The following ZC3H13 variants were observed in gnomAD, a reference collection of about 807,000 sequenced individuals.
The protein encoded by ZC3H13 is zinc finger CCCH domain-containing protein 13.
In ZC3H13, 64 loss-of-function variants were observed where a neutral mutation model predicts 204.1. The observed-to-expected ratio is 0.31, with a 90% CI of 0.26 to 0.39. The LOEUF (loss-of-function observed/expected upper bound fraction) is 0.39, where lower values mean the gene tolerates loss of function less well. Among genes scored for constraint, ZC3H13 ranks in the 10% least tolerant of loss-of-function variants. The pLI is 1.00. For missense variants in ZC3H13, 1,833 were observed against 2,082.7 expected, an observed-to-expected ratio of 0.88 and a Z score of 2.33; for synonymous variants, 667 against 693.7, an observed-to-expected ratio of 0.96 and a Z score of 0.60.
chr13:46,045,644 T>TA (rs147727629), intron 1 of ZC3H13, 128 bp from the exon 2 acceptor site: 6,219 of 544,904 alleles, frequency 0.011, no homozygotes, highest in South Asian at 0.014. Context: ...CTTGGGAGAT[T>TA]AAAAAAAAAA....
intron 4 of ZC3H13, among the ~76,000 whole-genome samples, chr13:46,032,949 T>C (rs889814137): frequency 5.3e-5 from 8 of 151,902 alleles, no homozygotes; most frequent in African/African-American, 1.5e-4. Context: ...AAGGTGATTA[T>C]ATATACACTA....
intron 4 of ZC3H13, among the ~76,000 whole-genome samples, chr13:46,028,027 A>AT (rs2042647115): frequency 1.3e-5 from 2 of 151,986 alleles, no homozygotes; most frequent in African/African-American, 4.8e-5. Context: ...CAATTAAAAC[A>AT]CAGATATTCT....
At chr13:46,050,627 T>C (rs2044337201) in intron 1 of ZC3H13, among the ~76,000 whole-genome samples, 1 of 152,116 alleles carries the variant, frequency 6.6e-6, no homozygotes, top group Non-Finnish European at 1.5e-5. Context: ...GAAAGAAAAA[T>C]TAACTTTATT....
In ZC3H13 at chr13:45,969,850, C is replaced by T. The variant is rs1419725341; in HGVS notation, c.2694G>A (p.Arg898=). The T allele has an allele frequency of 5.6e-6, 9 of 1,613,940 alleles. No homozygotes were observed. Among genetic ancestry groups the T allele is most frequent in the South Asian group, 1.1e-5 (1 of 91,080 alleles). ...RWKEEDRKPE[R]KESSRRYEEQ... is the part of the protein sequence containing the mutation. ...CTTCGTAGCGCCTTGAACTCTCTTT[C>T]CTTTCTGGTTTACGATCCTCCTCTT... Residue 898 remains arginine (R), a synonymous_variant, in exon 14 of 19, where the codon AGG becomes AGA. Coordinates refer to ENST00000679008, the MANE Select transcript of ZC3H13 (RefSeq NM_001330564.2).
intron 9 of ZC3H13, 52 bp from the exon 10 acceptor site, chr13:45,985,813 A>C (rs746080926): frequency 1.3e-5 from 19 of 1,455,108 alleles, no homozygotes; most frequent in Admixed American, 9.0e-5. Flanking sequence ...AAGTTTCAGG[A>C]AACTAGAAAA....
chr13:46,020,647 C>T (rs1002869984), intron 4 of ZC3H13, 90 bp from the exon 5 acceptor site: 15 of 821,876 alleles, frequency 1.8e-5, no homozygotes, highest in Admixed American at 1.3e-4. Context: ...TAATTTCATT[C>T]ATCTCTGTTT....
At chr13:46,049,863 G>T (rs1409175038) in intron 1 of ZC3H13, among the ~76,000 whole-genome samples, 2 of 152,042 alleles carry the variant, frequency 1.3e-5, no homozygotes, top group Non-Finnish European at 2.9e-5. Context: ...CTATCATAGA[G>T]AATAGAAATC....
intron 5 of ZC3H13, among the ~76,000 whole-genome samples, chr13:46,011,787 G>A (rs1384009259): frequency 3.3e-5 from 5 of 152,092 alleles, no homozygotes; most frequent in Non-Finnish European, 7.4e-5. Flanking sequence ...TGGGTTTTCT[G>A]GAAACAATTT....
rs1952914907 is a variant in ZC3H13, at chr13:45,975,170, T to C, written c.2468+113A>G. 4.8e-6 allele frequency: 7 copies of C among 1,459,086 alleles called. No individual in the cohort carries two copies. In the East Asian group the frequency reaches 1.4e-4, roughly 30 times the overall value. 90.4% of individuals were successfully genotyped at this position (1,459,086 alleles called of 1,614,324 possible). On this transcript the variant is annotated intron_variant, in intron 12 of 18. Transcript: ENST00000679008. ...ACTAAATTTGAAAAACAGGAAAATA[T>C]ACAGAGAAAAAAAATTAACAGGAAA...
At chr13:45,982,364 T>C (rs570071499) in intron 10 of ZC3H13, among the ~76,000 whole-genome samples, 3 of 152,120 alleles carry the variant, frequency 2.0e-5, no homozygotes, top group African/African-American at 7.2e-5. Context: ...AAGAAAAAAT[T>C]GGTAAACTAG....
At chr13:46,017,264 G>A (rs2138759031) in intron 5 of ZC3H13, among the ~76,000 whole-genome samples, 1 of 152,212 alleles carries the variant, frequency 6.6e-6, no homozygotes. Context: ...ATACCTAGGA[G>A]GTCCCTGAGA....
At chr13:45,970,042 A>G in intron 13 of ZC3H13, 71 bp from the exon 14 acceptor site, 2 of 1,499,860 alleles carry the variant, frequency 1.3e-6, no homozygotes, top group Non-Finnish European at 8.8e-7. Context: ...ATAGATTATA[A>G]TAATTTCTCC....
chr13:46,048,959 C>T (rs1566376781), intron 1 of ZC3H13, among the ~76,000 whole-genome samples: 1 of 152,084 alleles, frequency 6.6e-6, no homozygotes, highest in Non-Finnish European at 1.5e-5. Flanking sequence ...CGAGACCATC[C>T]TGGCCAACAT....
intron 18 of ZC3H13, among the ~76,000 whole-genome samples, chr13:45,958,589 G>A (rs1056211412): frequency 3.3e-5 from 5 of 151,364 alleles, no homozygotes; most frequent in African/African-American, 1.2e-4. Flanking sequence ...CTTCGGATTA[G>A]GAATACTCAG....
chr13:45,988,212 T>C (rs73478678), intron 9 of ZC3H13, among the ~76,000 whole-genome samples: 3,696 of 152,274 alleles, frequency 0.024, 158 homozygotes, highest in African/African-American at 0.084. Flanking sequence ...CAAAAATTTC[T>C]AGAACTTGAG....
chr13:46,020,372 G>C (rs2042151789), intron 5 of ZC3H13, 77 bp downstream of exon 5: 2 of 1,006,950 alleles, frequency 2.0e-6, no homozygotes, highest in South Asian at 1.4e-5. Context: ...CAGTCGAAAG[G>C]TGTTCTGAAG....
At chr13:46,029,970 T>C (rs564302024) in intron 4 of ZC3H13, among the ~76,000 whole-genome samples, 1 of 152,290 alleles carries the variant, frequency 6.6e-6, no homozygotes, top group Admixed American at 6.5e-5. Flanking sequence ...AAATTAGATA[T>C]AATTTTAAAA....
In ZC3H13 at chr13:45,955,458, A is replaced by C. The variant is rs554443184; in HGVS notation, c.*1669T>G. ...CAGGTTTAACTGAATGACAGATTTA[A>C]CTACATAGTTTTCATTCTATAAATA... On this transcript the variant is annotated 3_prime_UTR_variant, in exon 19 of 19. Transcript: ENST00000679008. 56 of 152,332 alleles carry C rather than the reference A, an allele frequency of 3.7e-4. No individual in the cohort carries two copies. Among genetic ancestry groups the C allele is most frequent in the African/African-American group, 1.3e-3 (55 of 41,590 alleles). The allele number at this position is 152,332 out of a possible 1,614,324, so 9.4% of individuals were successfully genotyped here.
At chr13:46,015,298 C>A (rs1467592125) in intron 5 of ZC3H13, among the ~76,000 whole-genome samples, 2 of 152,114 alleles carry the variant, frequency 1.3e-5, no homozygotes, top group Non-Finnish European at 2.9e-5. Flanking sequence ...AGTTACCTAT[C>A]TGATACATAT....
Sources: allele counts gnomAD v4.1 joint callset (sites outside exome capture counted in the v4.1 genomes callset), GRCh38; gene constraint gnomAD v4.1.1; transcripts MANE v1.5; gene names NCBI Gene and HGNC (gene_info 2026-07-23, HGNC 2026-07-21).